Variants in GRK4 observed in about 807,000 individuals in gnomAD.
GRK4 encodes the protein G protein-coupled receptor kinase 2-like.
A neutral mutation model predicts 77.9 loss-of-function variants in GRK4; 73 were observed. That is an observed-to-expected ratio of 0.94 (90% CI 0.78 to 1.14). The LOEUF (loss-of-function observed/expected upper bound fraction) is 1.14. Ranked by LOEUF, GRK4 falls within the 50% of genes most tolerant of loss-of-function variation. GRK4 has a pLI of 0.00. For missense variants in GRK4, 729 were observed against 700.2 expected, an observed-to-expected ratio of 1.04 and a Z score of -0.46; for synonymous variants, 257 against 254.4, an observed-to-expected ratio of 1.01 and a Z score of -0.10.
At chr4:3,019,885 A>C in intron 9 of GRK4, 54 bp downstream of exon 9, 1 of 1,521,814 alleles carries the variant, frequency 6.6e-7, no homozygotes, top group Non-Finnish European at 8.9e-7. Context: ...GGTTTCTCCC[A>C]GCCCTAGGCT....
At chr4:2,974,050 A>C (rs1560350714) in intron 1 of GRK4, among the ~76,000 whole-genome samples, 1 of 151,882 alleles carries the variant, frequency 6.6e-6, no homozygotes, top group Non-Finnish European at 1.5e-5. Context: ...GGGTCTCGCT[A>C]TGTTGCCCAG....
chr4:2,968,010 C>G (rs1344013468), intron 1 of GRK4, among the ~76,000 whole-genome samples: 2 of 147,810 alleles, frequency 1.4e-5, no homozygotes, highest in African/African-American at 5.0e-5. Context: ...AGGCTGGTCT[C>G]GAACTCCTGA....
chr4:2,965,951 C>G, intron 1 of GRK4: 1 of 176,152 alleles, frequency 5.7e-6, no homozygotes, highest in Non-Finnish European at 1.2e-5. Context: ...TTTCTTTTTA[C>G]ACTACCTTCC....
chr4:3,034,263 A>G (rs1578401922), intron 12 of GRK4, among the ~76,000 whole-genome samples: 1 of 152,194 alleles, frequency 6.6e-6, no homozygotes, highest in East Asian at 1.9e-4. Context: ...AGGAGCTGAG[A>G]GCGGTGGGAG....
intron 10 of GRK4, among the ~76,000 whole-genome samples, chr4:3,025,135 G>T (rs1737088173): frequency 6.6e-6 from 1 of 151,568 alleles, no homozygotes; most frequent in South Asian, 2.1e-4. Context: ...GCTGGGTGTG[G>T]TAATACATGC....
At chr4:3,002,646 G>A (rs887695423) in intron 4 of GRK4, among the ~76,000 whole-genome samples, 1 of 152,038 alleles carries the variant, frequency 6.6e-6, no homozygotes, top group East Asian at 1.9e-4. Context: ...GGGACTTGCA[G>A]TGACCCAAGA....
chr4:3,025,261 ACT>A (rs1162071109), intron 10 of GRK4, among the ~76,000 whole-genome samples: 1 of 127,386 alleles, frequency 7.9e-6, no homozygotes, highest in African/African-American at 3.3e-5. Context: ...ACAGAGTGAG[ACT>A]CTGTCTCAAA....
At chr4:2,989,782 T>C (rs534751679) in intron 3 of GRK4, among the ~76,000 whole-genome samples, 4 of 152,368 alleles carry the variant, frequency 2.6e-5, no homozygotes, top group South Asian at 4.1e-4. Flanking sequence ...CATTCTCATG[T>C]ATCCTGTTTG....
chr4:3,001,752 GA>G (rs1729900828), intron 4 of GRK4, among the ~76,000 whole-genome samples: 1 of 152,016 alleles, frequency 6.6e-6, no homozygotes, highest in Admixed American at 6.6e-5. Context: ...TAATATTGTT[GA>G]TTTTTTAAAA....
intron 6 of GRK4, among the ~76,000 whole-genome samples, chr4:3,008,526 G>A (rs114588566): frequency 4.6e-5 from 7 of 152,196 alleles, no homozygotes; most frequent in African/African-American, 1.7e-4. Context: ...GCTGTGGGCC[G>A]GGCGCAGTGG....
At chr4:2,996,569 T>A (rs1276062847) in intron 4 of GRK4, among the ~76,000 whole-genome samples, 9 of 151,432 alleles carry the variant, frequency 5.9e-5, no homozygotes, top group Non-Finnish European at 8.8e-5. Context: ...AAAAAAAAAA[T>A]GCCTCTTAAT....
rs761549972 is a variant in GRK4 at position 3,019,683 on chromosome 4, T to G, written c.784T>G (p.Leu262Val). 6.2e-7 allele frequency: 1 copy of G among 1,614,162 alleles called. No individual in the cohort carries two copies. The highest frequency in any genetic ancestry group is 1.7e-5 in the Admixed American group (1 of 60,002). The change falls in exon 9 of 16, where the codon TTG (leucine) becomes GTG (valine). Residue 262 changes from leucine (L) to valine (V), a missense_variant. Leu to Val is a conservative substitution (Grantham distance 32). Transcript: ENST00000398052. Reference sequence around the variant, plus strand: ...TTATGAAACCAAAGATGCCTTGTGCTTGGTGCTCACCATTATGAATGGAGG... The same window carrying G: ...TTATGAAACCAAAGATGCCTTGTGCGTGGTGCTCACCATTATGAATGGAGG... ...YAYETKDALC[L>V]VLTIMNGGDL...
intron 1 of GRK4, among the ~76,000 whole-genome samples, chr4:2,983,358 ATAAAAT>A (rs1191579387): frequency 6.6e-6 from 1 of 152,198 alleles, no homozygotes; most frequent in Non-Finnish European, 1.5e-5. Context: ...GTTCTCCTGG[ATAAAAT>A]TCAGTAAAAT....
intron 12 of GRK4, among the ~76,000 whole-genome samples, chr4:3,035,150 C>G (rs558779860): frequency 9.9e-5 from 15 of 152,006 alleles, no homozygotes; most frequent in South Asian, 2.1e-4. Context: ...GAGGCTGAGG[C>G]AGGAGAATGG....
chr4:3,039,297 A>G (rs1215280338), intron 15 of GRK4, among the ~76,000 whole-genome samples: 1 of 152,172 alleles, frequency 6.6e-6, no homozygotes, highest in Non-Finnish European at 1.5e-5. Context: ...TTTTCCATGC[A>G]AAGTGTCTCT....
intron 10 of GRK4, among the ~76,000 whole-genome samples, chr4:3,025,417 T>A (rs1279743698): frequency 1.6e-5 from 2 of 127,110 alleles, no homozygotes; most frequent in Non-Finnish European, 3.2e-5. Flanking sequence ...TGAGACGGAG[T>A]CTTGCTCTGT....
intron 1 of GRK4, chr4:2,965,382 A>G (rs1560328294): frequency 1.4e-6 from 1 of 703,002 alleles, no homozygotes; most frequent in African/African-American, 1.7e-5. Context: ...AGAGCCTCGG[A>G]CCTCAAGTCC....
chr4:3,024,026 C>G (rs1331995011), intron 10 of GRK4, among the ~76,000 whole-genome samples: 2 of 152,164 alleles, frequency 1.3e-5, no homozygotes, highest in Non-Finnish European at 2.9e-5. Flanking sequence ...GTGTAGTTCT[C>G]TCTTCTTTAG....
intron 12 of GRK4, among the ~76,000 whole-genome samples, chr4:3,032,284 C>T (rs1447904869): frequency 1.3e-5 from 2 of 151,112 alleles, no homozygotes; most frequent in African/African-American, 4.9e-5. Context: ...AGTTTGAGAC[C>T]AGCCTGGCCA....
Sources: gnomAD v4.1 joint callset for allele counts (sites outside exome capture counted in the v4.1 genomes callset) on GRCh38, gnomAD v4.1.1 for gene constraint, MANE v1.5 for transcripts, NCBI Gene and HGNC (gene_info 2026-07-23, HGNC 2026-07-21) for gene names.